The following EGFLAM variants were observed in gnomAD, a reference collection of about 807,000 sequenced individuals.
EGFLAM encodes the protein pikachurin.
Under a neutral mutation model 113.1 loss-of-function variants are expected in EGFLAM, and 79 were observed. That is an observed-to-expected ratio of 0.70 (90% confidence interval 0.58 to 0.84). The LOEUF is 0.84. Ranked by LOEUF, EGFLAM falls within the 40% of genes least tolerant of loss-of-function variation. The pLI, the probability that EGFLAM is intolerant of heterozygous loss-of-function variation, is 0.00. For missense variants in EGFLAM, 1,265 were observed against 1,291.6 expected, an observed-to-expected ratio of 0.98 and a Z score of 0.32; for synonymous variants, 504 against 487.6, an observed-to-expected ratio of 1.03 and a Z score of -0.44.
At chr5:38,405,906 T>C (rs1419554879) in intron 6 of EGFLAM, among the ~76,000 whole-genome samples, 1 of 152,226 alleles carries the variant, frequency 6.6e-6, no homozygotes, top group African/African-American at 2.4e-5. Flanking sequence ...AAATGGAAGC[T>C]CTTTCTGGTT....
Position 38,464,049 on chromosome 5 carries a change from C to T in EGFLAM, c.*63C>T. 6.2e-7 allele frequency: 1 copy of T among 1,602,068 alleles called. No individual in the cohort carries two copies. The highest frequency in any genetic ancestry group is 8.5e-7 in the Non-Finnish European group (1 of 1,171,904). On this transcript the variant is annotated 3_prime_UTR_variant, in exon 22 of 22. Coordinates refer to ENST00000322350, the MANE Select transcript of EGFLAM (RefSeq NM_152403.4). ...TCTGAGAATCCCAGGGGCCCTCAGA[C>T]CCTGCCTGATGCTATATGCAGAGGC...
intron 6 of EGFLAM, among the ~76,000 whole-genome samples, chr5:38,398,755 C>T (rs1182731021): frequency 6.6e-6 from 1 of 152,164 alleles, no homozygotes; most frequent in African/African-American, 2.4e-5. Flanking sequence ...TGAAGGGACT[C>T]AAGTCACAGG....
At chr5:38,272,766 G>C (rs1422110365) in intron 1 of EGFLAM, among the ~76,000 whole-genome samples, 1 of 151,958 alleles carries the variant, frequency 6.6e-6, no homozygotes, top group Non-Finnish European at 1.5e-5. Flanking sequence ...GTATGTGTGT[G>C]TGTGTGTGTG....
At chr5:38,374,277 C>T (rs376357358) in intron 6 of EGFLAM, among the ~76,000 whole-genome samples, 3 of 152,260 alleles carry the variant, frequency 2.0e-5, no homozygotes, top group Non-Finnish European at 2.9e-5. Context: ...GAGAAAGAAT[C>T]GTTCACACAA....
At chr5:38,443,809 A>C in intron 17 of EGFLAM, among the ~76,000 whole-genome samples, 1 of 141,144 alleles carries the variant, frequency 7.1e-6, no homozygotes, top group Non-Finnish European at 1.5e-5. Flanking sequence ...TAACTCTGTC[A>C]CCCCAGGCTG....
intron 1 of EGFLAM, among the ~76,000 whole-genome samples, chr5:38,286,946 A>G (rs10473093): frequency 0.16 from 23,673 of 152,172 alleles, 2,271 homozygotes; most frequent in African/African-American, 0.25. Flanking sequence ...CCCTGACAAA[A>G]TAAAGTACTT....
At chr5:38,458,189 G>T in intron 19 of EGFLAM, 122 bp from the exon 20 acceptor site, 1 of 787,620 alleles carries the variant, frequency 1.3e-6, no homozygotes, top group African/African-American at 1.7e-5. Context: ...CTTGTTTTTT[G>T]TTAAGGAAAC....
intron 6 of EGFLAM, among the ~76,000 whole-genome samples, chr5:38,384,162 G>T (rs554638013): frequency 6.6e-6 from 1 of 152,200 alleles, no homozygotes; most frequent in South Asian, 2.1e-4. Context: ...ATTGCTTTAA[G>T]GAGAACAGAC....
chr5:38,388,607 TAA>T (rs1561062305), intron 6 of EGFLAM, among the ~76,000 whole-genome samples: 34 of 151,354 alleles, frequency 2.2e-4, no homozygotes, highest in African/African-American at 7.8e-4. Flanking sequence ...TATGTATATA[TAA>T]ATTAGCCCGG....
intron 6 of EGFLAM, among the ~76,000 whole-genome samples, chr5:38,396,257 GGA>G (rs57874446): frequency 0.16 from 23,420 of 150,088 alleles, 1,940 homozygotes; most frequent in Non-Finnish European, 0.17. Context: ...TCCCACAGAA[GGA>G]GAGAGAGAGA....
At chr5:38,462,834 T>A (rs1743333363) in intron 20 of EGFLAM, 74 bp from the exon 21 acceptor site, 1 of 1,501,364 alleles carries the variant, frequency 6.7e-7, no homozygotes, top group Non-Finnish European at 9.2e-7. Flanking sequence ...ACATTTGTAT[T>A]GAAATGAATG....
chr5:38,430,936 G>A (rs536774589), intron 14 of EGFLAM, among the ~76,000 whole-genome samples: 1 of 152,196 alleles, frequency 6.6e-6, no homozygotes, highest in South Asian at 2.1e-4. Flanking sequence ...CCCAACTCAA[G>A]AAGAGAGAGC....
At chr5:38,377,740 A>C (rs1740403231) in intron 6 of EGFLAM, among the ~76,000 whole-genome samples, 1 of 152,218 alleles carries the variant, frequency 6.6e-6, no homozygotes, top group South Asian at 2.1e-4. Context: ...ATAGAGTAAA[A>C]GAGGGAGGAA....
chr5:38,419,079 G>C (rs1579904532), intron 12 of EGFLAM, among the ~76,000 whole-genome samples: 1 of 152,182 alleles, frequency 6.6e-6, no homozygotes, highest in Non-Finnish European at 1.5e-5. Flanking sequence ...CCTTCTCGCT[G>C]TGTGCTCGTG....
chr5:38,375,717 C>T (rs886438004), intron 6 of EGFLAM, among the ~76,000 whole-genome samples: 2 of 141,458 alleles, frequency 1.4e-5, no homozygotes, highest in Non-Finnish European at 3.1e-5. Flanking sequence ...GAAAGCCAGG[C>T]CCAGTGTTTT....
intron 1 of EGFLAM, among the ~76,000 whole-genome samples, chr5:38,288,753 C>A (rs766548098): frequency 1.3e-5 from 2 of 152,128 alleles, no homozygotes; most frequent in South Asian, 4.1e-4. Context: ...TTTTCTTTAA[C>A]AAGTTACATA....
chr5:38,328,164 T>C (rs1738937340), intron 1 of EGFLAM, among the ~76,000 whole-genome samples: 1 of 152,154 alleles, frequency 6.6e-6, no homozygotes, highest in African/African-American at 2.4e-5. Flanking sequence ...ATTTCAATCA[T>C]GGCAGAAGGC....
intron 1 of EGFLAM, among the ~76,000 whole-genome samples, chr5:38,264,204 C>T (rs754193934): frequency 6.6e-6 from 1 of 152,118 alleles, no homozygotes; most frequent in Non-Finnish European, 1.5e-5. Context: ...ATGGGTCCTG[C>T]CTTTCCTCCT....
intron 17 of EGFLAM, 157 bp from the exon 18 acceptor site, chr5:38,448,144 G>A (rs962505612): frequency 1.2e-4 from 91 of 780,388 alleles, no homozygotes; most frequent in South Asian, 4.6e-4. Context: ...TTGGGCAACT[G>A]TGAACCTGGC....
Sources: allele counts gnomAD v4.1 joint callset (sites outside exome capture counted in the v4.1 genomes callset), GRCh38; gene constraint gnomAD v4.1.1; transcripts MANE v1.5; gene names NCBI Gene and HGNC (gene_info 2026-07-23, HGNC 2026-07-21).